Variants in FRS2 observed in about 807,000 individuals in gnomAD.
The protein encoded by FRS2 is fibroblast growth factor receptor substrate 2, also known as FGFR signalling adaptor.
In FRS2, 8 loss-of-function variants were observed where a neutral mutation model predicts 43.9. The ratio of observed to expected loss-of-function variants is 0.18; its 90% confidence interval spans 0.11 to 0.33. The LOEUF is 0.33. Ranked by LOEUF, FRS2 falls within the 10% of genes least tolerant of loss-of-function variation. The pLI is 1.00. For missense variants in FRS2, 534 were observed against 627.6 expected (o/e 0.85, Z 1.59); for synonymous variants, 219 against 220.3 (o/e 0.99, Z 0.05).
At chr12:69,513,939 A>G (rs896021942) in intron 1 of FRS2, among the ~76,000 whole-genome samples, 6 of 152,162 alleles carry the variant, frequency 3.9e-5, no homozygotes, top group African/African-American at 1.4e-4. Flanking sequence ...TTCTAAATTA[A>G]GAAAATAATT....
chr12:69,529,569 C>T (rs576191538), intron 1 of FRS2, among the ~76,000 whole-genome samples: 2 of 148,878 alleles, frequency 1.3e-5, no homozygotes, highest in African/African-American at 5.0e-5. Flanking sequence ...TGCAGTGAGC[C>T]GAGATTGTAT....
intron 3 of FRS2, chr12:69,537,821 A>G (rs1039973024): frequency 6.6e-6 from 1 of 152,658 alleles, no homozygotes; most frequent in Non-Finnish European, 1.5e-5. Context: ...CTAATTAGAC[A>G]TATAGTCTAT....
rs1302748524 is a variant in FRS2, at chr12:69,579,126, T to C, written c.*4171T>C. 6.5e-6 allele frequency: 1 copy of C among 152,682 alleles called. No individual in the cohort carries two copies. The highest frequency in any genetic ancestry group is 1.5e-5 in the Non-Finnish European group (1 of 68,044). 9.5% of individuals were successfully genotyped at this position (152,682 alleles called of 1,614,324 possible). A position where few individuals can be genotyped will look rare whatever the true frequency, so the allele number is the denominator to read the frequency against. ...ACCCTTTGTTCTCTATTTCTCCCTA[T>C]CAGTGCCAACTTCATACATTTTGTA... On this transcript the variant is annotated 3_prime_UTR_variant, in exon 9 of 9. Transcript: ENST00000549921.
chr12:69,556,488 G>A (rs1879369241), intron 3 of FRS2, among the ~76,000 whole-genome samples: 2 of 151,776 alleles, frequency 1.3e-5, no homozygotes, highest in South Asian at 4.2e-4. Flanking sequence ...ATGTACCATC[G>A]CACCCGGCTA....
At chr12:69,496,660 G>C (rs979254898) in intron 1 of FRS2, among the ~76,000 whole-genome samples, 1 of 152,184 alleles carries the variant, frequency 6.6e-6, no homozygotes, top group African/African-American at 2.4e-5. Flanking sequence ...CTAACTTGCA[G>C]TTGTATTAGT....
At chr12:69,533,400 A>C (rs1876987459) in intron 3 of FRS2, among the ~76,000 whole-genome samples, 1 of 150,976 alleles carries the variant, frequency 6.6e-6, no homozygotes, top group South Asian at 2.1e-4. Context: ...CCCAGGCTGG[A>C]GTGCAATGGC....
intron 4 of FRS2, among the ~76,000 whole-genome samples, chr12:69,563,671 T>C (rs1339229693): frequency 1.3e-5 from 2 of 152,224 alleles, no homozygotes; most frequent in East Asian, 3.8e-4. Context: ...GCCTACTTAA[T>C]AATCCTGCTC....
chr12:69,506,126 A>C (rs918657141), intron 1 of FRS2, among the ~76,000 whole-genome samples: 4 of 152,196 alleles, frequency 2.6e-5, no homozygotes, highest in African/African-American at 9.7e-5. Context: ...GTTGGCTTGC[A>C]AGACATGCTT....
At chr12:69,559,162 T>C (rs1343487428) in intron 3 of FRS2, among the ~76,000 whole-genome samples, 1 of 152,204 alleles carries the variant, frequency 6.6e-6, no homozygotes, top group African/African-American at 2.4e-5. Flanking sequence ...ACTTTATTAA[T>C]ATTTTAGATT....
At position 69,488,853 on chromosome 12, in the gene FRS2, T is replaced by C. The variant is rs577284698; in HGVS notation, c.-261+18323T>C. On this transcript the variant is annotated intron_variant, in intron 1 of 8. Coordinates refer to ENST00000549921, the MANE Select transcript of FRS2 (RefSeq NM_001278356.2). ...TTTGGGAATGGACTGCTGGCTCTTATTAAGCATTAAGTGCAGAAGGGTAGG... is the reference window on the plus strand; with the variant it reads ...TTTGGGAATGGACTGCTGGCTCTTACTAAGCATTAAGTGCAGAAGGGTAGG... Among the ~76,000 whole-genome samples, 7 of 152,272 alleles carry C rather than the reference T, an allele frequency of 4.6e-5. No individual in the cohort carries two copies. In the East Asian group the frequency reaches 7.7e-4, roughly 17 times the overall value.
chr12:69,502,052 G>A (rs567268942), intron 1 of FRS2, among the ~76,000 whole-genome samples: 8 of 151,610 alleles, frequency 5.3e-5, no homozygotes, highest in South Asian at 2.1e-4. Flanking sequence ...TGAAACCTCC[G>A]CCTTCTGGAT....
At chr12:69,544,017 A>G (rs1339234811) in intron 3 of FRS2, among the ~76,000 whole-genome samples, 16 of 141,726 alleles carry the variant, frequency 1.1e-4, no homozygotes, top group Non-Finnish European at 4.6e-5. Flanking sequence ...TGGACAAAAA[A>G]TGACAAATGG....
intron 1 of FRS2, among the ~76,000 whole-genome samples, chr12:69,523,022 A>G (rs182377677): frequency 1.6e-4 from 24 of 152,336 alleles, no homozygotes; most frequent in African/African-American, 5.5e-4. Context: ...ATTTTAGAGT[A>G]TGTGCCGTAT....
chr12:69,536,450 T>C (rs1479236511), intron 3 of FRS2, among the ~76,000 whole-genome samples: 6 of 152,110 alleles, frequency 3.9e-5, no homozygotes, highest in Non-Finnish European at 7.4e-5. Context: ...GTTTTTCATG[T>C]ATTTTGATTG....
At chr12:69,547,206 G>C (rs765741691) in intron 3 of FRS2, among the ~76,000 whole-genome samples, 2 of 152,168 alleles carry the variant, frequency 1.3e-5, no homozygotes, top group South Asian at 4.1e-4. Context: ...CAGGGGATAG[G>C]GGGAGGAGGG....
rs567502694 is a variant in FRS2 at position 69,495,210 on chromosome 12, C to T, written c.-261+24680C>T. 7.2e-5 allele frequency among the ~76,000 whole-genome samples: 11 copies of T among 152,334 alleles called. No homozygotes were observed. In the South Asian group the frequency reaches 1.2e-3, roughly 17 times the overall value. On this transcript the variant is annotated intron_variant, in intron 1 of 8. Coordinates refer to ENST00000549921, the MANE Select transcript of FRS2 (RefSeq NM_001278356.2). Reference sequence around the variant, plus strand: ...TTATTGTTTTTCTCATCCCAGAACACATACTCTTGGCCAAAAGTGACTAAT... The same window carrying T: ...TTATTGTTTTTCTCATCCCAGAACATATACTCTTGGCCAAAAGTGACTAAT...
chr12:69,478,608 G>T (rs1871061044), intron 1 of FRS2, among the ~76,000 whole-genome samples: 1 of 152,086 alleles, frequency 6.6e-6, no homozygotes, highest in Non-Finnish European at 1.5e-5. Context: ...GAATTTTGAA[G>T]ACCAGTGTTT....
At chr12:69,546,492 A>C (rs1878422978) in intron 3 of FRS2, among the ~76,000 whole-genome samples, 1 of 152,150 alleles carries the variant, frequency 6.6e-6, no homozygotes, top group Non-Finnish European at 1.5e-5. Flanking sequence ...TCCTGGCCTC[A>C]AGTGATCTGC....
chr12:69,554,493 A>G (rs1206585256), intron 3 of FRS2, among the ~76,000 whole-genome samples: 1 of 152,224 alleles, frequency 6.6e-6, no homozygotes, highest in Non-Finnish European at 1.5e-5. Flanking sequence ...TAGAATGTTA[A>G]GTTGCAAAGA....
Sources: allele counts gnomAD v4.1 joint callset (sites outside exome capture counted in the v4.1 genomes callset), GRCh38; gene constraint gnomAD v4.1.1; transcripts MANE v1.5; gene names NCBI Gene and HGNC (gene_info 2026-07-23, HGNC 2026-07-21).